The following MAP3K20 variants were observed in gnomAD, a reference collection of about 807,000 sequenced individuals.
MAP3K20 encodes the protein mitogen-activated protein kinase kinase kinase 20.
MAP3K20 carries 40 observed loss-of-function variants against 85.7 expected under a neutral mutation model. The observed-to-expected ratio is 0.47, with a 90% CI of 0.36 to 0.61. The LOEUF (loss-of-function observed/expected upper bound fraction) is 0.61. MAP3K20 is among the 20% of genes least tolerant of loss of function. The pLI, the probability that MAP3K20 is intolerant of heterozygous loss-of-function variation, is 0.00. For missense variants in MAP3K20, 817 were observed against 961.7 expected (o/e 0.85, Z 1.99); for synonymous variants, 325 against 327.7 (o/e 0.99, Z 0.09).
chr2:173,100,342 G>T (rs938259190), intron 2 of MAP3K20, among the ~76,000 whole-genome samples: 22 of 152,266 alleles, frequency 1.4e-4, no homozygotes, highest in African/African-American at 4.1e-4. Context: ...GGAAACTAAG[G>T]CTCAGGGAAG....
intron 19 of MAP3K20, among the ~76,000 whole-genome samples, chr2:173,264,759 GTA>G (rs1408624722): frequency 6.6e-6 from 1 of 152,114 alleles, no homozygotes; most frequent in African/African-American, 2.4e-5. Flanking sequence ...TTGTGATTCT[GTA>G]TGCTACTGCT....
chr2:173,120,062 CTTTT>C (rs971383033), intron 2 of MAP3K20, among the ~76,000 whole-genome samples: 1 of 152,152 alleles, frequency 6.6e-6, no homozygotes, highest in African/African-American at 2.4e-5. Context: ...CTCTTTCTTT[CTTTT>C]TTAAAAGAAA....
At chr2:173,088,068 G>GAAAA (rs76066794) in intron 1 of MAP3K20, among the ~76,000 whole-genome samples, 1 of 151,678 alleles carries the variant, frequency 6.6e-6, no homozygotes, top group Non-Finnish European at 1.5e-5. Context: ...ACCAAAGAGT[G>GAAAA]AAAAAAAAGA....
intron 2 of MAP3K20, among the ~76,000 whole-genome samples, chr2:173,093,566 T>C (rs1410038616): frequency 6.6e-6 from 1 of 152,162 alleles, no homozygotes; most frequent in Non-Finnish European, 1.5e-5. Context: ...TACTACTTTA[T>C]TTAAAAACAA....
chr2:173,091,248 A>G, intron 2 of MAP3K20, 58 bp downstream of exon 2: 1 of 1,567,208 alleles, frequency 6.4e-7, no homozygotes, highest in South Asian at 1.2e-5. Context: ...AAGCTTTTTC[A>G]ACCTCGAGTT....
intron 11 of MAP3K20, chr2:173,226,194 G>T (rs753106047): frequency 1.0e-6 from 1 of 982,118 alleles, no homozygotes; most frequent in South Asian, 4.7e-5. Context: ...ATTAGGGGTC[G>T]GGGGAGGGTT....
chr2:173,205,296 A>G (rs1201124558), intron 9 of MAP3K20, among the ~76,000 whole-genome samples: 2 of 152,042 alleles, frequency 1.3e-5, no homozygotes, highest in African/African-American at 4.8e-5. Context: ...TAAAGAATCA[A>G]ATTTCTTACT....
At chr2:173,208,637 C>T (rs965174645) in intron 9 of MAP3K20, among the ~76,000 whole-genome samples, 2 of 151,816 alleles carry the variant, frequency 1.3e-5, no homozygotes, top group South Asian at 4.1e-4. Flanking sequence ...AATGGCAGAA[C>T]TCATTATATA....
intron 7 of MAP3K20, among the ~76,000 whole-genome samples, chr2:173,195,890 TTTTC>T (rs992827590): frequency 7.2e-5 from 11 of 152,200 alleles, no homozygotes; most frequent in African/African-American, 2.4e-4. Flanking sequence ...TGGCTTATTT[TTTTC>T]TTTATTTTTC....
chr2:173,242,701 T>TTC (rs1684818038), intron 16 of MAP3K20, among the ~76,000 whole-genome samples: 1 of 51,700 alleles, frequency 1.9e-5, no homozygotes, highest in Non-Finnish European at 5.6e-5. Context: ...TAATCTTTCT[T>TTC]TTTTTTTTTT....
intron 4 of MAP3K20, among the ~76,000 whole-genome samples, chr2:173,186,830 T>C (rs1690499486): frequency 6.6e-6 from 1 of 152,178 alleles, no homozygotes; most frequent in African/African-American, 2.4e-5. Context: ...AATGTGTCTT[T>C]AAAGTATAAT....
chr2:173,240,872 C>T (rs1684763550), intron 16 of MAP3K20, among the ~76,000 whole-genome samples: 1 of 152,182 alleles, frequency 6.6e-6, no homozygotes, highest in African/African-American at 2.4e-5. Context: ...AACCTAAGTG[C>T]CCATCAACAG....
At chr2:173,090,883 G>A (rs1282818040) in intron 1 of MAP3K20, 115 bp from the exon 2 acceptor site, 24 of 1,369,180 alleles carry the variant, frequency 1.8e-5, no homozygotes, top group South Asian at 3.9e-5. Context: ...CTAAGTCACC[G>A]TGACTTTCTG....
At chr2:173,115,107 A>T (rs1174608732) in intron 2 of MAP3K20, among the ~76,000 whole-genome samples, 3 of 152,098 alleles carry the variant, frequency 2.0e-5, no homozygotes, top group African/African-American at 7.2e-5. Flanking sequence ...ATATTTTCTT[A>T]TTCTTTTTTC....
rs145735277 is a variant in MAP3K20 at position 173,100,591 on chromosome 2, G to A, written c.159+9401G>A. 1.1e-4 allele frequency among the ~76,000 whole-genome samples: 16 copies of A among 152,222 alleles called. No homozygotes were observed. The East Asian group carries it at 1.9e-3, about 18-fold the overall frequency. On this transcript the variant is annotated intron_variant, in intron 2 of 19. Coordinates refer to ENST00000375213, the MANE Select transcript of MAP3K20 (RefSeq NM_016653.3). Reference sequence around the variant, plus strand: ...TTGAGCTGTGAAGAGGGTAGAACTCGTGTCTTTACCATGTCACTGTAAGTA... The same window carrying A: ...TTGAGCTGTGAAGAGGGTAGAACTCATGTCTTTACCATGTCACTGTAAGTA...
At chr2:173,162,389 C>T (rs1689684499) in intron 2 of MAP3K20, among the ~76,000 whole-genome samples, 1 of 151,876 alleles carries the variant, frequency 6.6e-6, no homozygotes, top group Non-Finnish European at 1.5e-5. Flanking sequence ...TAGACTCCTA[C>T]AATTGTTGAG....
At chr2:173,218,833 A>G (rs1239486024) in intron 11 of MAP3K20, among the ~76,000 whole-genome samples, 1 of 152,178 alleles carries the variant, frequency 6.6e-6, no homozygotes, top group African/African-American at 2.4e-5. Flanking sequence ...TCTTAGTAAC[A>G]TAGTTGCGTA....
intron 10 of MAP3K20, chr2:173,210,436 C>G (rs554700861): frequency 6.5e-6 from 1 of 153,320 alleles, no homozygotes; most frequent in East Asian, 1.9e-4. Context: ...TGTTAGGAAG[C>G]TTTGTCCTCT....
Position 173,266,590 on chromosome 2 carries a change from T to G in MAP3K20, c.2243T>G (p.Leu748Trp), listed in dbSNP as rs935259411. The G allele has an allele frequency of 1.2e-6, 2 of 1,613,730 alleles. No individual in the cohort carries two copies. Among genetic ancestry groups the G allele is most frequent in the African/African-American group, 2.7e-5 (2 of 74,864 alleles). The change falls in exon 20 of 20, where the codon TTG becomes TGG. Residue 748 changes from leucine (L) to tryptophan (W), a missense_variant. This residue lies in a region of MAP3K20 where 454 missense variants were observed against 476.9 expected (regional missense o/e 0.95). Transcript: ENST00000375213. ...CCCAACACCATACCAGGGATGCCTTTGCACCCTGAGACTGACTCAAGAGCC... is the reference window on the plus strand; with the variant it reads ...CCCAACACCATACCAGGGATGCCTTGGCACCCTGAGACTGACTCAAGAGCC... Reference protein sequence around the residue: ...HQPNTIPGMPLHPETDSRASE... With the variant: ...HQPNTIPGMPWHPETDSRASE...
Sources: allele counts gnomAD v4.1 joint callset (sites outside exome capture counted in the v4.1 genomes callset), GRCh38; gene constraint gnomAD v4.1.1; regional missense constraint gnomAD v4.1.1; transcripts MANE v1.5; gene names NCBI Gene and HGNC (gene_info 2026-07-23, HGNC 2026-07-21).